Variants in CEP170 observed in about 807,000 individuals in gnomAD.
The protein encoded by CEP170 is centrosomal protein of 170 kDa.
In CEP170, 21 loss-of-function variants were observed where a neutral mutation model predicts 151.9. The observed-to-expected ratio is 0.14, with a 90% CI of 0.10 to 0.20. CEP170 has a LOEUF of 0.20. Among genes scored for constraint, CEP170 ranks in the 10% least tolerant of loss-of-function variants. The pLI is 1.00. For missense variants in CEP170, 964 were observed against 1,892.9 expected, an observed-to-expected ratio of 0.51 and a Z score of 9.11; for synonymous variants, 356 against 648.8, an observed-to-expected ratio of 0.55 and a Z score of 6.86.
intron 1 of CEP170, among the ~76,000 whole-genome samples, chr1:243,227,954 G>A (rs1174651069): frequency 6.6e-6 from 1 of 152,156 alleles, no homozygotes; most frequent in Non-Finnish European, 1.5e-5. Flanking sequence ...TATTCTGCAT[G>A]ACCTTAGGCT....
intron 11 of CEP170, among the ~76,000 whole-genome samples, chr1:243,170,668 C>A (rs748964287): frequency 2.6e-5 from 4 of 151,620 alleles, no homozygotes; most frequent in Admixed American, 2.0e-4. Flanking sequence ...GTGGCATGCA[C>A]CTGTAGTCCC....
At chr1:243,166,229 A>G in intron 12 of CEP170, 113 bp from the exon 13 acceptor site, 2 of 1,407,344 alleles carry the variant, frequency 1.4e-6, no homozygotes, top group Non-Finnish European at 9.5e-7. Context: ...CAGGCCCCTT[A>G]TTCCCCCAGG....
chr1:243,159,125 A>G (rs2057828925), intron 13 of CEP170, among the ~76,000 whole-genome samples: 1 of 152,234 alleles, frequency 6.6e-6, no homozygotes, highest in Admixed American at 6.5e-5. Flanking sequence ...TTTAAAAAGT[A>G]AAAGGTAACA....
upstream of CEP170, chr1:243,255,460 G>C (rs530056180): frequency 1.3e-5 from 2 of 154,188 alleles, no homozygotes; most frequent in African/African-American, 4.8e-5. Flanking sequence ...GGACCTCGGC[G>C]TTAGGTGGGA....
intron 14 of CEP170, among the ~76,000 whole-genome samples, chr1:243,155,314 T>C (rs974904238): frequency 6.6e-6 from 1 of 152,036 alleles, no homozygotes; most frequent in Non-Finnish European, 1.5e-5. Context: ...CAGAAGTCAA[T>C]GAAATAAAGA....
chr1:243,242,337 G>A (rs1265203713), intron 1 of CEP170, among the ~76,000 whole-genome samples: 1 of 152,050 alleles, frequency 6.6e-6, no homozygotes, highest in East Asian at 1.9e-4. Flanking sequence ...TCCTGCCTCA[G>A]CCTCCCGAGT....
intron 4 of CEP170, among the ~76,000 whole-genome samples, chr1:243,209,955 C>T (rs577222052): frequency 2.0e-5 from 3 of 151,938 alleles, no homozygotes; most frequent in Non-Finnish European, 4.4e-5. Flanking sequence ...AGCCTCCCCA[C>T]GTGCTGGGAT....
intron 1 of CEP170, among the ~76,000 whole-genome samples, chr1:243,236,512 C>T (rs1011176431): frequency 1.3e-5 from 2 of 152,092 alleles, no homozygotes; most frequent in African/African-American, 2.4e-5. Context: ...ATTCTCTCCT[C>T]GAGAAGTTCA....
intron 2 of CEP170, among the ~76,000 whole-genome samples, chr1:243,224,331 A>G (rs553440808): frequency 9.2e-5 from 14 of 152,254 alleles, no homozygotes; most frequent in African/African-American, 2.6e-4. Context: ...GTAAGAATGA[A>G]AGACTCCAGT....
chr1:243,215,710 C>T (rs2062212271), intron 3 of CEP170, among the ~76,000 whole-genome samples: 1 of 152,130 alleles, frequency 6.6e-6, no homozygotes, highest in Non-Finnish European at 1.5e-5. Context: ...TGTGATCTCG[C>T]CCTGCCTCCA....
intron 1 of CEP170, among the ~76,000 whole-genome samples, chr1:243,247,390 G>T (rs1198803977): frequency 6.6e-6 from 1 of 152,164 alleles, no homozygotes; most frequent in Non-Finnish European, 1.5e-5. Flanking sequence ...GTCTCACCCT[G>T]TTGCCCAGGC....
At chr1:243,196,846 C>T (rs56017586) in intron 7 of CEP170, among the ~76,000 whole-genome samples, 64 of 152,136 alleles carry the variant, frequency 4.2e-4, no homozygotes, top group Non-Finnish European at 7.6e-4. Context: ...AATATACAGA[C>T]ATCATTTAGA....
At chr1:243,167,451 T>G (rs2058522579) in intron 12 of CEP170, among the ~76,000 whole-genome samples, 1 of 151,510 alleles carries the variant, frequency 6.6e-6, no homozygotes, top group Non-Finnish European at 1.5e-5. Context: ...TAGAAGCCAA[T>G]GAGAAAATAT....
chr1:243,247,444 C>T (rs980900002), intron 1 of CEP170, among the ~76,000 whole-genome samples: 1 of 152,156 alleles, frequency 6.6e-6, no homozygotes, highest in African/African-American at 2.4e-5. Context: ...ATCTCCATCT[C>T]CTGGGCTCAA....
chr1:243,242,991 C>A (rs754896955), intron 1 of CEP170, among the ~76,000 whole-genome samples: 9 of 152,250 alleles, frequency 5.9e-5, no homozygotes, highest in Non-Finnish European at 1.3e-4. Context: ...TAAGCCACTG[C>A]GCCCGGTCCT....
intron 3 of CEP170, among the ~76,000 whole-genome samples, chr1:243,220,639 T>G (rs967179473): frequency 6.6e-6 from 1 of 152,242 alleles, no homozygotes; most frequent in African/African-American, 2.4e-5. Flanking sequence ...ATGAATAGTC[T>G]GAAGCAGTTG....
intron 1 of CEP170, among the ~76,000 whole-genome samples, chr1:243,251,421 T>C (rs2065927476): frequency 1.3e-5 from 2 of 152,204 alleles, no homozygotes; most frequent in Non-Finnish European, 2.9e-5. Flanking sequence ...TTATAGGCCC[T>C]ATCACTTAGG....
At position 243,186,348 on chromosome 1, in the gene CEP170, T is replaced by C. The variant is rs753973572; in HGVS notation, c.1183A>G (p.Thr395Ala). The change falls in exon 9 of 20, where the codon ACT (threonine) becomes GCT (alanine). Residue 395 changes from threonine (T) to alanine (A), a missense_variant. Thr to Ala is a moderately conservative substitution (Grantham distance 58, BLOSUM62 0). Transcript: ENST00000366542. ...TGGCGTCTTAAGTGTTCCTCAAGAG[T>C]TGCACGTTTGCTACAGCGCCTGTGA... ...GAHRRCSKRA[T>A]LEEHLRRHHS... 3.1e-5 allele frequency: 50 copies of C among 1,613,574 alleles called. No homozygotes were observed. The Middle Eastern group carries it at 9.9e-4, about 32-fold the overall frequency.
chr1:243,148,759 A>G (rs2056784642), intron 14 of CEP170, among the ~76,000 whole-genome samples: 1 of 152,160 alleles, frequency 6.6e-6, no homozygotes, highest in African/African-American at 2.4e-5. Flanking sequence ...CACAAAAAAA[A>G]GTTTCCTAAT....
Sources: gnomAD v4.1 joint callset for allele counts (sites outside exome capture counted in the v4.1 genomes callset) on GRCh38, gnomAD v4.1.1 for gene constraint, MANE v1.5 for transcripts, NCBI Gene and HGNC (gene_info 2026-07-23, HGNC 2026-07-21) for gene names.